The following CDK5RAP2 variants were observed in gnomAD, a reference collection of about 807,000 sequenced individuals.
CDK5RAP2 encodes CDK5 regulatory subunit associated protein 2.
In CDK5RAP2, 147 loss-of-function variants were observed where a neutral mutation model predicts 232.9. The ratio of observed to expected loss-of-function variants is 0.63; its 90% confidence interval spans 0.55 to 0.72. CDK5RAP2 has a LOEUF of 0.72. Ranked by LOEUF, CDK5RAP2 falls within the 30% of genes least tolerant of loss-of-function variation. The pLI, the probability that CDK5RAP2 is intolerant of heterozygous loss-of-function variation, is 0.00. For missense variants in CDK5RAP2, 2,195 were observed against 2,231.5 expected, an observed-to-expected ratio of 0.98 and a Z score of 0.33; for synonymous variants, 833 against 833.7, an observed-to-expected ratio of 1.00 and a Z score of 0.01.
rs57302660 is a variant in CDK5RAP2 at position 120,424,886 on chromosome 9, G to A, written c.3956-2145C>T. Reference sequence around the variant, plus strand: ...AGCTAATTTTTTTGTATTTTTAGTAGAGTATTCACTGTGCTGGCCAGGCTT... The same window carrying A: ...AGCTAATTTTTTTGTATTTTTAGTAAAGTATTCACTGTGCTGGCCAGGCTT... On this transcript the variant is annotated intron_variant, in intron 25 of 37. Coordinates refer to ENST00000349780, the MANE Select transcript of CDK5RAP2 (RefSeq NM_018249.6). 2.6e-5 allele frequency among the ~76,000 whole-genome samples: 4 copies of A among 152,078 alleles called. No individual in the cohort carries two copies. The East Asian group carries it at 7.7e-4, about 29-fold the overall frequency.
At chr9:120,393,698 C>CA (rs1399475173) in intron 36 of CDK5RAP2, among the ~76,000 whole-genome samples, 1 of 152,230 alleles carries the variant, frequency 6.6e-6, no homozygotes, top group Non-Finnish European at 1.5e-5. Context: ...AACCAGGAGA[C>CA]AGAGCTGCTC....
At chr9:120,397,191 T>C (rs912864137) in intron 35 of CDK5RAP2, among the ~76,000 whole-genome samples, 10 of 152,120 alleles carry the variant, frequency 6.6e-5, no homozygotes, top group African/African-American at 1.9e-4. Flanking sequence ...TTTCTTTTTA[T>C]GGTGAAAAAA....
At chr9:120,489,382 T>C (rs536779756) in intron 13 of CDK5RAP2, among the ~76,000 whole-genome samples, 65 of 152,348 alleles carry the variant, frequency 4.3e-4, no homozygotes, top group African/African-American at 1.5e-3. Flanking sequence ...AATGTAGAAA[T>C]AGTTGTCCTT....
chr9:120,514,828 G>GT (rs1182057727), intron 12 of CDK5RAP2, among the ~76,000 whole-genome samples: 2 of 152,094 alleles, frequency 1.3e-5, no homozygotes, highest in African/African-American at 4.8e-5. Flanking sequence ...ACGTATACAT[G>GT]TTATGTAGCA....
rs187113384 is a variant in CDK5RAP2 at position 120,545,174 on chromosome 9, T to G, written c.383+540A>C. Among the ~76,000 whole-genome samples, 18 of 152,290 alleles carry G rather than the reference T, an allele frequency of 1.2e-4. 1 individual carries two copies. Among genetic ancestry groups the G allele is most frequent in the South Asian group, 6.2e-4 (3 of 4,822 alleles). On this transcript the variant is annotated intron_variant, in intron 5 of 37. Transcript: ENST00000349780. ...TTACTGTGGCTGAAGCCCCATCCTC[T>G]GTCTCCCTGCCTCACCCATCAGGAC...
intron 26 of CDK5RAP2, among the ~76,000 whole-genome samples, 154 bp from the exon 27 acceptor site, chr9:120,420,114 A>C (rs1433224734): frequency 6.6e-6 from 1 of 152,226 alleles, no homozygotes; most frequent in Non-Finnish European, 1.5e-5. Flanking sequence ...GCATTAAGCA[A>C]TGACATTCTA....
intron 25 of CDK5RAP2, among the ~76,000 whole-genome samples, chr9:120,428,825 A>T (rs186659783): frequency 0.026 from 3,957 of 152,232 alleles, 88 homozygotes; most frequent in Admixed American, 0.07. Flanking sequence ...TTTAGACCAA[A>T]ATCCTTGATG....
intron 35 of CDK5RAP2, among the ~76,000 whole-genome samples, chr9:120,396,548 G>C (rs995433272): frequency 5.9e-5 from 9 of 152,150 alleles, no homozygotes; most frequent in African/African-American, 2.2e-4. Context: ...TTTTAGGATG[G>C]CTACTGCTCC....
At chr9:120,391,976 C>T (rs1298239744) in intron 36 of CDK5RAP2, among the ~76,000 whole-genome samples, 1 of 152,190 alleles carries the variant, frequency 6.6e-6, no homozygotes, top group African/African-American at 2.4e-5. Flanking sequence ...CCTGCTCTGG[C>T]GGAGCCTGCT....
At chr9:120,463,851 A>G (rs1268149856) in intron 18 of CDK5RAP2, among the ~76,000 whole-genome samples, 1 of 152,226 alleles carries the variant, frequency 6.6e-6, no homozygotes, top group Non-Finnish European at 1.5e-5. Flanking sequence ...ACATAGAGAA[A>G]CATACTTCAT....
intron 21 of CDK5RAP2, among the ~76,000 whole-genome samples, chr9:120,449,700 T>G (rs887710717): frequency 6.6e-6 from 1 of 152,242 alleles, no homozygotes; most frequent in Non-Finnish European, 1.5e-5. Context: ...AATTAAAAGA[T>G]GAGCAAAAAC....
At chr9:120,510,161 G>C (rs2040012752) in intron 12 of CDK5RAP2, among the ~76,000 whole-genome samples, 1 of 152,150 alleles carries the variant, frequency 6.6e-6, no homozygotes. Context: ...CCATCAATGA[G>C]TACATGTGAG....
At position 120,491,380 on chromosome 9, in the gene CDK5RAP2, T is replaced by G. The variant is rs779885354; in HGVS notation, c.1409A>C (p.Lys470Thr). Residue 470 changes from lysine (K) to threonine (T), a missense_variant, in exon 13 of 38, where the codon AAA becomes ACA. Coordinates refer to ENST00000349780, the MANE Select transcript of CDK5RAP2 (RefSeq NM_018249.6). ...CACTTGCTCTTGATTGTGCAATTTT[T>G]TATTGCTTTCACTCAGAAGACTCTT... ...RYKSLLSESN[K>T]KLHNQEQVIK... The G allele has an allele frequency of 6.8e-6, 11 of 1,612,910 alleles. No individual in the cohort carries two copies. In the African/African-American group the frequency reaches 1.1e-4, roughly 16 times the overall value.
chr9:120,553,767 T>A (rs181777514), intron 3 of CDK5RAP2, among the ~76,000 whole-genome samples: 1 of 152,306 alleles, frequency 6.6e-6, no homozygotes, highest in Admixed American at 6.5e-5. Flanking sequence ...TTTATTTATT[T>A]TTTTATTTTT....
rs761726987 is a variant in CDK5RAP2 at position 120,458,455 on chromosome 9, T to A, written c.2370A>T (p.Glu790Asp). ...TGCCTGGGCCCCATGTATACCTGGA[T>A]TCCAGTAATAATGTGGCCTTCTCAT... is the stretch of plus-strand genomic sequence containing the variant. Reference protein sequence around the residue: ...LFNEKATLLLESRPDLLKVVR... With the variant: ...LFNEKATLLLDSRPDLLKVVR... Residue 790 changes from glutamate (E) to aspartate (D), a missense_variant, in exon 20 of 38, where the codon GAA (glutamate) becomes GAT (aspartate). Glu to Asp is a conservative substitution (Grantham distance 45). Coordinates refer to ENST00000349780, the MANE Select transcript of CDK5RAP2 (RefSeq NM_018249.6). 6 of 1,614,118 alleles carry A rather than the reference T, an allele frequency of 3.7e-6. No individual in the cohort carries two copies. The highest frequency in any genetic ancestry group is 1.6e-4 in the Middle Eastern group (1 of 6,062).
chr9:120,433,665 C>T (rs2035409567), intron 25 of CDK5RAP2, among the ~76,000 whole-genome samples: 1 of 152,208 alleles, frequency 6.6e-6, no homozygotes, highest in South Asian at 2.1e-4. Flanking sequence ...TGAACTAATA[C>T]ATTGTGCTTC....
chr9:120,578,125 C>A (rs1318786624), intron 1 of CDK5RAP2, among the ~76,000 whole-genome samples: 1 of 152,014 alleles, frequency 6.6e-6, no homozygotes, highest in Non-Finnish European at 1.5e-5. Flanking sequence ...AAATTAGCCA[C>A]GCACGGTGGT....
Position 120,403,219 on chromosome 9 carries a change from C to T in CDK5RAP2, c.5042-148G>A, listed in dbSNP as rs1044071207. ...ACAAGCCCAGAGGGGAAAAGAGGCA[C>T]GCTCCTGGACCTCTGTATATTACCC... is the stretch of plus-strand genomic sequence containing the variant. On this transcript the variant is annotated intron_variant, in intron 33 of 37. Coordinates refer to ENST00000349780, the MANE Select transcript of CDK5RAP2 (RefSeq NM_018249.6). This position sits in a 1 kb window ranked among gnomAD's most constrained non-coding sequence, Gnocchi z 4.2. The T allele has an allele frequency of 5.2e-5, 37 of 717,076 alleles. No individual in the cohort carries two copies. The highest frequency in any genetic ancestry group is 3.5e-4 in the African/African-American group (20 of 56,828). The allele number at this position is 717,076 out of a possible 1,614,324, so 44.4% of individuals were successfully genotyped here. A position where few individuals can be genotyped will look rare whatever the true frequency, so the allele number is the denominator to read the frequency against.
intron 18 of CDK5RAP2, among the ~76,000 whole-genome samples, chr9:120,465,285 G>A (rs1241736687): frequency 6.6e-6 from 1 of 152,178 alleles, no homozygotes; most frequent in African/African-American, 2.4e-5. Flanking sequence ...ACACTCTGCT[G>A]AAATCACTCC....
Sources: allele counts gnomAD v4.1 joint callset (sites outside exome capture counted in the v4.1 genomes callset), GRCh38; gene constraint gnomAD v4.1.1; non-coding constraint Gnocchi (gnomAD v3.1); transcripts MANE v1.5; gene names NCBI Gene and HGNC (gene_info 2026-07-23, HGNC 2026-07-21).